The following PLEKHA4 variants were observed in gnomAD, a reference collection of about 807,000 sequenced individuals.
The protein encoded by PLEKHA4 is pleckstrin homology domain containing A4.
PLEKHA4 carries 73 observed loss-of-function variants against 94.7 expected under a neutral mutation model. The ratio of observed to expected loss-of-function variants is 0.77; its 90% CI spans 0.64 to 0.94. PLEKHA4 has a LOEUF of 0.94. Ranked by LOEUF, PLEKHA4 falls within the 40% of genes least tolerant of loss-of-function variation. The pLI is 0.00. For missense variants in PLEKHA4, 1,049 were observed against 1,054.1 expected (o/e 1.00, Z 0.07); for synonymous variants, 449 against 437.1 (o/e 1.03, Z -0.34).
At position 48,845,503 on chromosome 19, in the gene PLEKHA4, A is replaced by C. The variant is rs369254741; in HGVS notation, c.1666+14T>G. The C allele has an allele frequency of 1.1e-4, 180 of 1,613,122 alleles. No individual in the cohort carries two copies. The highest frequency in any genetic ancestry group is 1.5e-4 in the Non-Finnish European group (175 of 1,179,452). On this transcript the variant is annotated intron_variant, in intron 15 of 19. Transcript: ENST00000263265. ...GGGAATTTCCGTAAAGTCCCACCCA[A>C]CCAGGATGCTCACCTAAGTGAGGGC... is the stretch of plus-strand genomic sequence containing the variant.
rs751144696 is a variant in PLEKHA4, at chr19:48,852,342, G to C, written c.1327-16C>G. ...TCTCTCGCTCCTCAGGTTGCATAAA[G>C]GGGGAGACATAGGTTAGGTCCCTCT... On this transcript the variant is annotated splice_polypyrimidine_tract_variant and intron_variant, in intron 12 of 19. Coordinates refer to ENST00000263265, the MANE Select transcript of PLEKHA4 (RefSeq NM_020904.3). The C allele has an allele frequency of 6.9e-6, 11 of 1,600,790 alleles. No homozygotes were observed. Among genetic ancestry groups the C allele is most frequent in the African/African-American group, 1.3e-5 (1 of 74,640 alleles).
rs367989328 is a variant in PLEKHA4 at position 48,857,918 on chromosome 19, AT to A, written c.973-423del. ...ACACCCAAGAATGATCAATAAAAAA[AT>A]AATAATAATAATTAAAAAAAAAAAG... On this transcript the variant is annotated intron_variant, in intron 8 of 19. Coordinates refer to ENST00000263265, the MANE Select transcript of PLEKHA4 (RefSeq NM_020904.3). Among the ~76,000 whole-genome samples, 664 of 151,744 alleles carry A rather than the reference AT, an allele frequency of 4.4e-3. 5 individuals are homozygous for A. Among genetic ancestry groups the A allele is most frequent in the African/African-American group, 0.016 (644 of 41,372 alleles).
In PLEKHA4 at chr19:48,848,042, T is replaced by C. The variant is rs369906649; in HGVS notation, c.1426-2A>G. 7 of 1,613,256 alleles carry C rather than the reference T, an allele frequency of 4.3e-6. No homozygotes were observed. The highest frequency in any genetic ancestry group is 3.3e-5 in the Admixed American group (2 of 59,940). On this transcript the variant is annotated splice_acceptor_variant, in intron 13 of 19. Coordinates refer to ENST00000263265, the MANE Select transcript of PLEKHA4 (RefSeq NM_020904.3). LOFTEE classifies it high-confidence loss of function. ...CTGCTGCTGAGCAGACACTCTGTCC[T>C]GCAGGGAGGAAAGGAATTTGTTACT...
intron 3 of PLEKHA4, among the ~76,000 whole-genome samples, chr19:48,862,694 T>C (rs1378500904): frequency 6.6e-6 from 1 of 151,622 alleles, no homozygotes; most frequent in Non-Finnish European, 1.5e-5. Context: ...TTTGTATTTT[T>C]AGTAGAGACG....
At chr19:48,856,373 G>A (rs2036409659) in intron 9 of PLEKHA4, among the ~76,000 whole-genome samples, 1 of 131,580 alleles carries the variant, frequency 7.6e-6, no homozygotes, top group Non-Finnish European at 1.8e-5. Flanking sequence ...CACAAGGTCA[G>A]GAGATCGAGA....
chr19:48,853,627 G>A lies in PLEKHA4; in HGVS notation c.1326+55C>T, dbSNP rs115427430. The A allele has an allele frequency of 3.0e-4, 428 of 1,427,686 alleles. 2 individuals are homozygous for A. In the African/African-American group the frequency reaches 4.2e-3, roughly 14 times the overall value. The allele number at this position is 1,427,686 out of a possible 1,614,324, so 88.4% of individuals were successfully genotyped here. On this transcript the variant is annotated intron_variant, in intron 12 of 19. Coordinates refer to ENST00000263265, the MANE Select transcript of PLEKHA4 (RefSeq NM_020904.3). ...CTCTGGGGCAGGTCCCCTTCGTAAC[G>A]ACTTGCATAGTCCTGGGGCCTCCTA...
rs373304202 is a variant in PLEKHA4, at chr19:48,841,213, G to A, written c.1841C>T (p.Pro614Leu). ...CGRPFPRPTS[P>L]RLLTLGRTLS... Reference sequence around the variant, plus strand: ...TGTCCTTCCCAGGGTGAGAAGCCGGGGGGAGGTCGGGCGAGGGAAGGGCCG... The same window carrying A: ...TGTCCTTCCCAGGGTGAGAAGCCGGAGGGAGGTCGGGCGAGGGAAGGGCCG... Residue 614 changes from proline to leucine, a missense_variant, in exon 17 of 20, where the codon CCC (proline) becomes CTC (leucine). By Grantham distance (98) the Pro-to-Leu change is moderately conservative. Coordinates refer to ENST00000263265, the MANE Select transcript of PLEKHA4 (RefSeq NM_020904.3). 3 of 1,613,284 alleles carry A rather than the reference G, an allele frequency of 1.9e-6. No individual in the cohort carries two copies. Among genetic ancestry groups the A allele is most frequent in the East Asian group, 4.5e-5 (2 of 44,876 alleles).
In PLEKHA4 at chr19:48,859,638, C is replaced by A. The variant is rs779348368; in HGVS notation, c.523G>T (p.Gly175Cys). The A allele has an allele frequency of 6.2e-7, 1 of 1,612,642 alleles. No individual in the cohort carries two copies. The highest frequency in any genetic ancestry group is 1.7e-4 in the Middle Eastern group (1 of 5,916). The change falls in exon 7 of 20, where the codon GGC becomes TGC. Residue 175 changes from glycine (G) to cysteine (C), a missense_variant. Transcript: ENST00000263265. ...PARPQPGEGP[G>C]GPGGPPEVSR... ...ACCTCCGGGGGACCACCGGGGCCGC[C>A]GGGGCCCTCCCCGGGCTGGGGTCGT...
intron 8 of PLEKHA4, among the ~76,000 whole-genome samples, chr19:48,858,565 T>C (rs2036510052): frequency 6.9e-6 from 1 of 144,258 alleles, no homozygotes; most frequent in Non-Finnish European, 1.5e-5. Flanking sequence ...AGACAGAGGT[T>C]GTAGTGAGCC....
chr19:48,841,609 G>C (rs928716892), intron 16 of PLEKHA4, among the ~76,000 whole-genome samples: 5 of 151,528 alleles, frequency 3.3e-5, no homozygotes, highest in African/African-American at 1.2e-4. Context: ...CTGCACAACA[G>C]AGCAAGACTC....
chr19:48,862,997 C>A (rs2036702306), intron 3 of PLEKHA4, among the ~76,000 whole-genome samples: 1 of 152,186 alleles, frequency 6.6e-6, no homozygotes, highest in Non-Finnish European at 1.5e-5. Context: ...CACAGAGAGG[C>A]CAGGAAGGTG....
rs574381481 is a variant in PLEKHA4 at position 48,868,104 on chromosome 19, CGG to C, written c.-30_-29del. 6.2e-6 allele frequency: 1 copy of C among 161,448 alleles called. No individual in the cohort carries two copies. Among genetic ancestry groups the C allele is most frequent in the South Asian group, 1.7e-4 (1 of 5,984 alleles). 10.0% of individuals were successfully genotyped at this position (161,448 alleles called of 1,614,324 possible). A position where few individuals can be genotyped will look rare whatever the true frequency, so the allele number is the denominator to read the frequency against. ...TTACCCAGCTCTGGGGTCCCAGTGA[CGG>C]GGGGGCAAGAGGACGGTGTGGGTGC... On this transcript the variant is annotated 5_prime_UTR_variant, in exon 1 of 20. Coordinates refer to ENST00000263265, the MANE Select transcript of PLEKHA4 (RefSeq NM_020904.3).
At chr19:48,844,459 G>T in intron 16 of PLEKHA4, 1 of 985,056 alleles carries the variant, frequency 1.0e-6, no homozygotes, top group Non-Finnish European at 1.2e-6. Context: ...CCAGCCCCAA[G>T]AAGTGCTTTT....
chr19:48,862,585 T>G (rs1223829828), intron 3 of PLEKHA4, among the ~76,000 whole-genome samples: 1 of 148,994 alleles, frequency 6.7e-6, no homozygotes, highest in Non-Finnish European at 1.5e-5. Context: ...CTCAGCTCAC[T>G]GCAAGCTCCG....
At chr19:48,842,572 T>C (rs2035809812) in intron 16 of PLEKHA4, among the ~76,000 whole-genome samples, 1 of 152,240 alleles carries the variant, frequency 6.6e-6, no homozygotes, top group Non-Finnish European at 1.5e-5. Context: ...TTTTTAGCTA[T>C]GCAGTCTGCC....
intron 9 of PLEKHA4, 58 bp downstream of exon 9, chr19:48,857,364 T>C (rs533476224): frequency 2.8e-6 from 2 of 720,138 alleles, no homozygotes; most frequent in Non-Finnish European, 4.8e-6. Flanking sequence ...ACATTCCTCA[T>C]AGAGAAGAAA....
intron 13 of PLEKHA4, 24 bp from the exon 14 acceptor site, chr19:48,848,064 T>A (rs1278389107): frequency 6.2e-7 from 1 of 1,611,616 alleles, no homozygotes; most frequent in Non-Finnish European, 8.5e-7. Flanking sequence ...AGGAATTTGT[T>A]ACTTAAAGGT....
Position 48,858,903 on chromosome 19 carries a change from G to A in PLEKHA4, c.929C>T (p.Pro310Leu). 1 of 1,607,830 alleles carries A rather than the reference G, an allele frequency of 6.2e-7. No individual in the cohort carries two copies. Among genetic ancestry groups the A allele is most frequent in the Non-Finnish European group, 8.5e-7 (1 of 1,178,264 alleles). The change falls in exon 8 of 20, where the codon CCC (proline) becomes CTC (leucine). Residue 310 changes from proline (P) to leucine (L), a missense_variant. Transcript: ENST00000263265. Reference protein sequence around the residue: ...GPPSEAGGGKPPRSPQHWSQE... With the variant: ...GPPSEAGGGKLPRSPQHWSQE... Reference sequence around the variant, plus strand: ...ACTCCAGTGCTGGGGACTCCTGGGGGGCTTTCCTCCCCCAGCCTCAGAGGG... The same window carrying A: ...ACTCCAGTGCTGGGGACTCCTGGGGAGCTTTCCTCCCCCAGCCTCAGAGGG...
intron 9 of PLEKHA4, among the ~76,000 whole-genome samples, chr19:48,856,675 G>A (rs1315051590): frequency 4.7e-5 from 7 of 148,012 alleles, no homozygotes; most frequent in African/African-American, 7.5e-5. Context: ...CCGAGATCGC[G>A]CCACTGCAAT....
Sources: allele counts gnomAD v4.1 joint callset (sites outside exome capture counted in the v4.1 genomes callset), GRCh38; gene constraint gnomAD v4.1.1; transcripts MANE v1.5; gene names NCBI Gene and HGNC (gene_info 2026-07-23, HGNC 2026-07-21).